The following PTH1R variants were observed in gnomAD, a reference collection of about 807,000 sequenced individuals.
The protein encoded by PTH1R is parathyroid hormone/parathyroid hormone-related peptide receptor.
PTH1R carries 32 observed loss-of-function variants against 70.7 expected under a neutral mutation model. The ratio of observed to expected loss-of-function variants is 0.45; its 90% CI spans 0.34 to 0.61. The LOEUF (loss-of-function observed/expected upper bound fraction) is 0.61. Among genes scored for constraint, PTH1R ranks in the 20% least tolerant of loss-of-function variants. PTH1R has a pLI of 0.01. For missense variants in PTH1R, 626 were observed against 792.5 expected (o/e 0.79, Z 2.52); for synonymous variants, 329 against 324.8 (o/e 1.01, Z -0.14).
chr3:46,898,518 G>A (rs1487691989), intron 8 of PTH1R, 46 bp downstream of exon 8: 1 of 1,607,412 alleles, frequency 6.2e-7, no homozygotes, highest in South Asian at 1.1e-5. Flanking sequence ...TGGAGGGGGG[G>A]CGGTGGCCGA....
rs1263818905 is a variant in PTH1R at position 46,893,495 on chromosome 3, A to G, written c.76-412A>G. The stretch of plus-strand genomic sequence containing the variant: ...CTCCAGGCTGGGTTTGTCTCCCCAC[A>G]GTTCACCACTCCTTATCCACCCCCT... On this transcript the variant is annotated intron_variant, in intron 3 of 15. Transcript: ENST00000449590. The surrounding 1 kb of genome is among the most constrained non-coding windows in gnomAD (Gnocchi z 5.2). Among the ~76,000 whole-genome samples the G allele has an allele frequency of 6.6e-6, 1 of 152,020 alleles. No individual in the cohort carries two copies. Among genetic ancestry groups the G allele is most frequent in the Non-Finnish European group, 1.5e-5 (1 of 67,978 alleles).
chr3:46,895,153 T>C (rs1488894174), intron 4 of PTH1R, among the ~76,000 whole-genome samples: 1 of 150,994 alleles, frequency 6.6e-6, no homozygotes, highest in East Asian at 1.9e-4. Context: ...CATCTCAGAT[T>C]AGGCATCTCA....
Position 46,896,768 on chromosome 3 carries a change from G to T in PTH1R, c.313+899G>T, listed in dbSNP as rs1417568241. Among the ~76,000 whole-genome samples the T allele has an allele frequency of 6.6e-6, 1 of 152,186 alleles. No individual in the cohort carries two copies. The highest frequency in any genetic ancestry group is 1.5e-5 in the Non-Finnish European group (1 of 68,018). On this transcript the variant is annotated intron_variant, in intron 5 of 15. Transcript: ENST00000449590. This position sits in a 1 kb window ranked among gnomAD's most constrained non-coding sequence, Gnocchi z 4.1. ...GGAATGTGGAAGATACAGAGGCTGG[G>T]GACCCTCCAAGGTCACTTAGCCTCC...
At position 46,883,974 on chromosome 3, in the gene PTH1R, G is replaced by C. The variant is rs983093692; in HGVS notation, c.75+340G>C. Among the ~76,000 whole-genome samples, 8 of 152,248 alleles carry C rather than the reference G, an allele frequency of 5.3e-5. No homozygotes were observed. Among genetic ancestry groups the C allele is most frequent in the Non-Finnish European group, 7.3e-5 (5 of 68,038 alleles). The stretch of plus-strand genomic sequence containing the variant: ...CAGAAGGCTGGGCTTTGGCCCTGCT[G>C]CGTACTCCCACAGACTTTGCTTTGG... On this transcript the variant is annotated intron_variant, in intron 3 of 15. Coordinates refer to ENST00000449590, the MANE Select transcript of PTH1R (RefSeq NM_000316.3). This position sits in a 1 kb window ranked among gnomAD's most constrained non-coding sequence, Gnocchi z 6.4.
At position 46,903,006 on chromosome 3, in the gene PTH1R, C is replaced by T; in HGVS notation, c.1395+216C>T. 1 of 953,814 alleles carries T rather than the reference C, an allele frequency of 1.0e-6. No individual in the cohort carries two copies. The highest frequency in any genetic ancestry group is 1.6e-6 in the Non-Finnish European group (1 of 615,112). The allele number at this position is 953,814 out of a possible 1,614,324, so 59.1% of individuals were successfully genotyped here. A position where few individuals can be genotyped will look rare whatever the true frequency, so the allele number is the denominator to read the frequency against. ...TTCAGTCACTGGCATAGCCAAGTGT[C>T]TTCCCAGCCCCATGGTTCAATTATC... On this transcript the variant is annotated intron_variant, in intron 15 of 15. Coordinates refer to ENST00000449590, the MANE Select transcript of PTH1R (RefSeq NM_000316.3). The surrounding 1 kb of genome is among the most constrained non-coding windows in gnomAD (Gnocchi z 4.4).
In PTH1R at chr3:46,883,407, G is replaced by T. The variant is rs1004664667; in HGVS notation, c.-48-105G>T. The T allele has an allele frequency of 1.5e-5, 4 of 274,062 alleles. No homozygotes were observed. The highest frequency in any genetic ancestry group is 2.3e-5 in the Non-Finnish European group (4 of 176,400). 17.0% of individuals were successfully genotyped at this position (274,062 alleles called of 1,614,324 possible). A position where few individuals can be genotyped will look rare whatever the true frequency, so the allele number is the denominator to read the frequency against. On this transcript the variant is annotated intron_variant, in intron 2 of 15. Transcript: ENST00000449590. This position sits in a 1 kb window ranked among gnomAD's most constrained non-coding sequence, Gnocchi z 6.4. Reference sequence around the variant, plus strand: ...CTCGCCCTCAGCGCATGGGCCCCGCGCCGGGCCCCGGGGCCTCGGGCCGCC... The same window carrying T: ...CTCGCCCTCAGCGCATGGGCCCCGCTCCGGGCCCCGGGGCCTCGGGCCGCC...
At position 46,884,279 on chromosome 3, in the gene PTH1R, C is replaced by T. The variant is rs1187981371; in HGVS notation, c.75+645C>T. On this transcript the variant is annotated intron_variant, in intron 3 of 15. Transcript: ENST00000449590. This position sits in a 1 kb window ranked among gnomAD's most constrained non-coding sequence, Gnocchi z 4.8. ...ATCCTGTGGGGAAGTGAGGAGACCC[C>T]TGGAAAGACTGTCACTCCCTGAGAG... Among the ~76,000 whole-genome samples, 1 of 152,148 alleles carries T rather than the reference C, an allele frequency of 6.6e-6. No individual in the cohort carries two copies. The highest frequency in any genetic ancestry group is 1.5e-5 in the Non-Finnish European group (1 of 68,004).
rs1180874887 is a variant in PTH1R at position 46,881,444 on chromosome 3, G to A, written c.-49+326G>A. Among the ~76,000 whole-genome samples, 7 of 152,312 alleles carry A rather than the reference G, an allele frequency of 4.6e-5. No homozygotes were observed. The South Asian group carries it at 1.0e-3, about 23-fold the overall frequency. ...CGGCCGATAGCTTTTGGGAGTGGGGGTGGGAACGGGGGAGGGAGGTGAAGC... is the reference window on the plus strand; with the variant it reads ...CGGCCGATAGCTTTTGGGAGTGGGGATGGGAACGGGGGAGGGAGGTGAAGC... On this transcript the variant is annotated intron_variant, in intron 2 of 15. Transcript: ENST00000449590.
chr3:46,902,970 T>C lies in PTH1R; in HGVS notation c.1395+180T>C. The C allele has an allele frequency of 9.8e-7, 1 of 1,017,832 alleles. No homozygotes were observed. The highest frequency in any genetic ancestry group is 1.5e-6 in the Non-Finnish European group (1 of 668,776). The allele number at this position is 1,017,832 out of a possible 1,614,324, so 63.1% of individuals were successfully genotyped here. ...GATGCAGGTTCAGGATGTGCTAGGATGTGGGGACTCTTCAGTCACTGGCAT... is the reference window on the plus strand; with the variant it reads ...GATGCAGGTTCAGGATGTGCTAGGACGTGGGGACTCTTCAGTCACTGGCAT... On this transcript the variant is annotated intron_variant, in intron 15 of 15. Coordinates refer to ENST00000449590, the MANE Select transcript of PTH1R (RefSeq NM_000316.3). This position sits in a 1 kb window ranked among gnomAD's most constrained non-coding sequence, Gnocchi z 5.4.
At position 46,898,089 on chromosome 3, in the gene PTH1R, G is replaced by A. The variant is rs576428067; in HGVS notation, c.440G>A (p.Arg147His). The A allele has an allele frequency of 5.0e-6, 8 of 1,614,046 alleles. No individual in the cohort carries two copies. The highest frequency in any genetic ancestry group is 1.1e-5 in the South Asian group (1 of 91,082). ...GGACCTGCAGGCCATGCCTACCGAC[G>A]CTGTGACCGCAATGGCAGCTGGGAG... ...DFNHKGHAYR[R>H]CDRNGSWELV... The change falls in exon 7 of 16, where the codon CGC (arginine) becomes CAC (histidine). Residue 147 changes from arginine (R) to histidine (H), a missense_variant. By Grantham distance (29) the Arg-to-His change is conservative (BLOSUM62 0). This residue lies in a region of PTH1R where 495 missense variants were observed against 638.7 expected (regional missense o/e 0.77). Coordinates refer to ENST00000449590, the MANE Select transcript of PTH1R (RefSeq NM_000316.3).
chr3:46,893,266 A>T lies in PTH1R; in HGVS notation c.76-641A>T, dbSNP rs1575516577. 6.6e-6 allele frequency among the ~76,000 whole-genome samples: 1 copy of T among 151,884 alleles called. No individual in the cohort carries two copies. Among genetic ancestry groups the T allele is most frequent in the Non-Finnish European group, 1.5e-5 (1 of 67,946 alleles). ...AAGCAGTGGAATGAGAGGGACTCCC[A>T]CCCCCAGCCAGCACCAGAGTGCCCA... On this transcript the variant is annotated intron_variant, in intron 3 of 15. Coordinates refer to ENST00000449590, the MANE Select transcript of PTH1R (RefSeq NM_000316.3). This position sits in a 1 kb window ranked among gnomAD's most constrained non-coding sequence, Gnocchi z 5.2.
chr3:46,881,363 G>A (rs933737727), intron 2 of PTH1R, among the ~76,000 whole-genome samples: 17 of 152,034 alleles, frequency 1.1e-4, no homozygotes, highest in Non-Finnish European at 2.4e-4. Context: ...CCCAACCCCC[G>A]CGGACTCCTC....
rs1003971006 is a variant in PTH1R, at chr3:46,883,747, G to A, written c.75+113G>A. ...TCCCCCAGTAGTTCGAACTTTGGGT[G>A]AGAGTCCCCTCTGATCCAGGATCCT... On this transcript the variant is annotated intron_variant, in intron 3 of 15. Transcript: ENST00000449590. This position sits in a 1 kb window ranked among gnomAD's most constrained non-coding sequence, Gnocchi z 6.4. 58 of 1,236,096 alleles carry A rather than the reference G, an allele frequency of 4.7e-5. No individual in the cohort carries two copies. The highest frequency in any genetic ancestry group is 6.2e-5 in the Non-Finnish European group (54 of 877,510). The allele number at this position is 1,236,096 out of a possible 1,614,324, so 76.6% of individuals were successfully genotyped here.
Position 46,903,694 on chromosome 3 carries a change from G to A in PTH1R, c.*38G>A, listed in dbSNP as rs199783003. 13 of 1,602,070 alleles carry A rather than the reference G, an allele frequency of 8.1e-6. No homozygotes were observed. The South Asian group carries it at 1.4e-4, about 18-fold the overall frequency. On this transcript the variant is annotated 3_prime_UTR_variant, in exon 16 of 16. Coordinates refer to ENST00000449590, the MANE Select transcript of PTH1R (RefSeq NM_000316.3). This position sits in a 1 kb window ranked among gnomAD's most constrained non-coding sequence, Gnocchi z 4.4. Reference sequence around the variant, plus strand: ...GGCTGGACCTGCTGACATAGTGGATGGACAGATGGACCAAAAGATGGGTGG... The same window carrying A: ...GGCTGGACCTGCTGACATAGTGGATAGACAGATGGACCAAAAGATGGGTGG...
At position 46,901,262 on chromosome 3, in the gene PTH1R, GC is replaced by G. The variant is rs1161222596; in HGVS notation, c.1050-150del. 1.6e-6 allele frequency: 2 copies of G among 1,233,054 alleles called. No homozygotes were observed. The highest frequency in any genetic ancestry group is 3.0e-5 in the African/African-American group (2 of 66,610). 76.4% of individuals were successfully genotyped at this position (1,233,054 alleles called of 1,614,324 possible). On this transcript the variant is annotated intron_variant, in intron 11 of 15. Coordinates refer to ENST00000449590, the MANE Select transcript of PTH1R (RefSeq NM_000316.3). The surrounding 1 kb of genome is among the most constrained non-coding windows in gnomAD (Gnocchi z 7.3). ...GTCACAGGAGGCTACTTCCAAAGAG[GC>G]CTGTGAGGGAGGCCTCAGGCCTGGC...
chr3:46,897,790 T>C, intron 5 of PTH1R, 65 bp from the exon 6 acceptor site: 1 of 1,368,036 alleles, frequency 7.3e-7, no homozygotes, highest in Non-Finnish European at 1.0e-6. Context: ...TTCATCCTTC[T>C]GGGTCACTAA....
intron 3 of PTH1R, among the ~76,000 whole-genome samples, chr3:46,886,781 G>C (rs933216603): frequency 6.6e-6 from 1 of 152,162 alleles, no homozygotes; most frequent in Non-Finnish European, 1.5e-5. Flanking sequence ...TGATTTCTAC[G>C]CTAAAGGGCC....
At chr3:46,886,653 G>A (rs182045390) in intron 3 of PTH1R, among the ~76,000 whole-genome samples, 3 of 152,226 alleles carry the variant, frequency 2.0e-5, no homozygotes, top group East Asian at 1.9e-4. Flanking sequence ...CACCACGCCC[G>A]GCCGGTTGCT....
At chr3:46,878,195 A>G (rs2030346302) in intron 1 of PTH1R, among the ~76,000 whole-genome samples, 1 of 152,228 alleles carries the variant, frequency 6.6e-6, no homozygotes, top group Non-Finnish European at 1.5e-5. Context: ...GGGGCTACCC[A>G]GCCAGCTGCC....
Sources: allele counts gnomAD v4.1 joint callset (sites outside exome capture counted in the v4.1 genomes callset), GRCh38; gene constraint gnomAD v4.1.1; regional missense constraint gnomAD v4.1.1; non-coding constraint Gnocchi (gnomAD v3.1); transcripts MANE v1.5; gene names NCBI Gene and HGNC (gene_info 2026-07-23, HGNC 2026-07-21).